Variants in EHMT1 observed in about 807,000 individuals in gnomAD.
EHMT1 encodes euchromatic histone lysine methyltransferase 1, also known as histone-lysine N-methyltransferase EHMT1.
A neutral mutation model predicts 147.2 loss-of-function variants in EHMT1; 15 were observed. That is an observed-to-expected ratio of 0.10 (90% confidence interval 0.07 to 0.16). The LOEUF (loss-of-function observed/expected upper bound fraction) is 0.16. Among genes scored for constraint, EHMT1 ranks in the 10% least tolerant of loss-of-function variants. The probability of loss-of-function intolerance (pLI) is 1.00; values close to 1 mark genes in which losing one functional copy is unlikely to be tolerated. For synonymous variants in EHMT1, 795 were observed against 709.6 expected, an observed-to-expected ratio of 1.12 and a Z score of -1.91; for missense variants, 1,587 against 1,772.4, an observed-to-expected ratio of 0.90 and a Z score of 1.88.
chr9:137,766,638 CTACCTG>C (rs1422202525), intron 10 of EHMT1, among the ~76,000 whole-genome samples: 1 of 152,136 alleles, frequency 6.6e-6, no homozygotes, highest in Non-Finnish European at 1.5e-5. Flanking sequence ...AAAACAAAAA[CTACCTG>C]TTTTGTTTTA....
chr9:137,811,647 G>C, intron 19 of EHMT1, 32 bp downstream of exon 19: 1 of 1,598,990 alleles, frequency 6.3e-7, no homozygotes, highest in Non-Finnish European at 8.5e-7. Context: ...GCGCGGGCTG[G>C]CGCTGACCTG....
rs1844588008 is a variant in EHMT1, at chr9:137,642,786, A to C, written c.21+23737A>C. Among the ~76,000 whole-genome samples the C allele has an allele frequency of 2.6e-5, 4 of 152,322 alleles. No homozygotes were observed. In the South Asian group the frequency reaches 8.3e-4, roughly 32 times the overall value. ...GTCTTTCAAATCATATAGGAGAAAA[A>C]ACAAATTATAAATTAACAAATACAT... On this transcript the variant is annotated intron_variant, in intron 1 of 26. Transcript: ENST00000460843.
chr9:137,766,586 G>A (rs1244395908), intron 10 of EHMT1, among the ~76,000 whole-genome samples: 2 of 152,228 alleles, frequency 1.3e-5, no homozygotes, highest in East Asian at 3.8e-4. Flanking sequence ...CTGTTCTTCA[G>A]CCTGGGCGAC....
intron 14 of EHMT1, among the ~76,000 whole-genome samples, chr9:137,780,553 G>C (rs1459138548): frequency 7.0e-6 from 1 of 143,060 alleles, no homozygotes; most frequent in Non-Finnish European, 1.5e-5. Context: ...GATGTGTGGT[G>C]ATGGCATCAC....
chr9:137,629,782 G>A (rs1167442285), intron 1 of EHMT1, among the ~76,000 whole-genome samples: 1 of 151,864 alleles, frequency 6.6e-6, no homozygotes, highest in Non-Finnish European at 1.5e-5. Context: ...CGCCCACCTC[G>A]GCCTCCCAAA....
intron 9 of EHMT1, among the ~76,000 whole-genome samples, chr9:137,762,261 A>ATTTT (rs11405067): frequency 6.8e-6 from 1 of 147,358 alleles, no homozygotes; most frequent in Non-Finnish European, 1.5e-5. Context: ...TTCCAAACTG[A>ATTTT]TTTTTTTTTT....
chr9:137,636,844 A>G (rs995966639), intron 1 of EHMT1, among the ~76,000 whole-genome samples: 13 of 150,318 alleles, frequency 8.6e-5, no homozygotes, highest in Non-Finnish European at 1.5e-4. Context: ...GTTGGTCTGT[A>G]GGTACCTCTT....
At chr9:137,685,605 T>C in intron 1 of EHMT1, among the ~76,000 whole-genome samples, 1 of 152,212 alleles carries the variant, frequency 6.6e-6, no homozygotes, top group East Asian at 1.9e-4. Context: ...CTGGATCATG[T>C]GGTACTTCTG....
chr9:137,785,390 C>T (rs754769172), intron 15 of EHMT1: 52 of 139,434 alleles, frequency 3.7e-4, no homozygotes, highest in African/African-American at 1.5e-3. Flanking sequence ...GGGTGGGGTG[C>T]GCTGAGCCCG....
At chr9:137,623,689 G>A (rs1208430552) in intron 1 of EHMT1, among the ~76,000 whole-genome samples, 1 of 152,140 alleles carries the variant, frequency 6.6e-6, no homozygotes, top group Admixed American at 6.6e-5. Context: ...CTAAAGTGCT[G>A]GGACTACAGG....
chr9:137,698,914 TCCC>T (rs779380452), intron 1 of EHMT1, among the ~76,000 whole-genome samples: 4 of 151,956 alleles, frequency 2.6e-5, no homozygotes, highest in Non-Finnish European at 4.4e-5. Context: ...CTATGATCTT[TCCC>T]CCACTATACA....
intron 10 of EHMT1, among the ~76,000 whole-genome samples, chr9:137,771,762 C>T (rs1198081604): frequency 6.6e-6 from 1 of 152,150 alleles, no homozygotes; most frequent in East Asian, 1.9e-4. Flanking sequence ...GCTCGGGCAG[C>T]GTCGGGCAGA....
At chr9:137,726,298 G>C (rs150247731) in intron 3 of EHMT1, among the ~76,000 whole-genome samples, 4 of 152,058 alleles carry the variant, frequency 2.6e-5, no homozygotes, top group African/African-American at 9.7e-5. Context: ...CCAGTCCCTG[G>C]CAATACCATT....
chr9:137,654,630 C>T (rs1726205183), intron 1 of EHMT1, among the ~76,000 whole-genome samples: 1 of 152,072 alleles, frequency 6.6e-6, no homozygotes, highest in African/African-American at 2.4e-5. Context: ...TTAGGTCATC[C>T]TGTTAGTTTC....
At chr9:137,720,228 C>T (rs1296141124) in intron 3 of EHMT1, among the ~76,000 whole-genome samples, 3 of 152,164 alleles carry the variant, frequency 2.0e-5, no homozygotes, top group South Asian at 2.1e-4. Context: ...GGGTCCCTGA[C>T]GTCACCCTGT....
intron 1 of EHMT1, among the ~76,000 whole-genome samples, chr9:137,656,678 C>T (rs530947155): frequency 4.6e-5 from 7 of 152,084 alleles, no homozygotes; most frequent in South Asian, 4.2e-4. Context: ...GTCCAAGGGC[C>T]GTGCTGGGCC....
In EHMT1 at chr9:137,790,833, C is replaced by A; in HGVS notation, c.2383-15C>A. The A allele has an allele frequency of 2.5e-6, 4 of 1,614,198 alleles. No homozygotes were observed. The highest frequency in any genetic ancestry group is 3.4e-6 in the Non-Finnish European group (4 of 1,180,032). On this transcript the variant is annotated splice_polypyrimidine_tract_variant and intron_variant, in intron 15 of 26. Transcript: ENST00000460843. ...GTCACAGCCCTCCCATACACCTGAA[C>A]TGTTGTTTCACTAGGCGGGCGCTAA...
At chr9:137,789,779 G>C (rs1952371840) in intron 15 of EHMT1, among the ~76,000 whole-genome samples, 1 of 152,246 alleles carries the variant, frequency 6.6e-6, no homozygotes, top group Admixed American at 6.5e-5. Flanking sequence ...GCCCAGGCTG[G>C]AGTGCAGTGG....
At chr9:137,772,650 C>G (rs781665744) in intron 10 of EHMT1, among the ~76,000 whole-genome samples, 5 of 152,242 alleles carry the variant, frequency 3.3e-5, no homozygotes, top group Non-Finnish European at 7.3e-5. Flanking sequence ...AAGTCAGTAC[C>G]TGTTTCAGCT....
Sources: gnomAD v4.1 joint callset for allele counts (sites outside exome capture counted in the v4.1 genomes callset) on GRCh38, gnomAD v4.1.1 for gene constraint, MANE v1.5 for transcripts, NCBI Gene and HGNC (gene_info 2026-07-23, HGNC 2026-07-21) for gene names.